RAPGEF6: variants seen among roughly 807,000 people sequenced by gnomAD.
RAPGEF6 encodes the protein PDZ domain containing guanine nucleotide exchange factor (GEF) 2.
Under a neutral mutation model 171.4 loss-of-function variants are expected in RAPGEF6, and 56 were observed. That is an observed-to-expected ratio of 0.33 (90% CI 0.26 to 0.41). The LOEUF (loss-of-function observed/expected upper bound fraction) is 0.41. RAPGEF6 is among the 10% of genes least tolerant of loss of function. The pLI, the probability that RAPGEF6 is intolerant of heterozygous loss-of-function variation, is 1.00. For synonymous variants in RAPGEF6, 692 were observed against 650.1 expected, an observed-to-expected ratio of 1.06 and a Z score of -0.98; for missense variants, 1,674 against 1,921.4, an observed-to-expected ratio of 0.87 and a Z score of 2.41.
At chr5:131,625,021 T>C (rs1403426070) in intron 1 of RAPGEF6, among the ~76,000 whole-genome samples, 1 of 152,064 alleles carries the variant, frequency 6.6e-6, no homozygotes, top group African/African-American at 2.4e-5. Context: ...CCCAGCACTT[T>C]GGGAGGCCGA....
intron 14 of RAPGEF6, among the ~76,000 whole-genome samples, chr5:131,492,318 G>A (rs112578654): frequency 6.6e-6 from 1 of 152,132 alleles, no homozygotes. Flanking sequence ...ATGAAGGATA[G>A]GCAGGCCCAT....
Position 131,576,261 on chromosome 5 carries a change from G to T in RAPGEF6, c.282-14214C>A, listed in dbSNP as rs1762599856. ...GGCCCAATCGTTAGTCATCGGCAAG[G>T]GCAGGCTATGCTGTAGTGTCTTCCA... is the stretch of plus-strand genomic sequence containing the variant. On this transcript the variant is annotated intron_variant, in intron 4 of 27. Transcript: ENST00000509018. Among the ~76,000 whole-genome samples the T allele has an allele frequency of 2.0e-5, 3 of 152,216 alleles. No individual in the cohort carries two copies. The South Asian group carries it at 6.2e-4, about 32-fold the overall frequency.
intron 1 of RAPGEF6, among the ~76,000 whole-genome samples, chr5:131,609,813 TA>T (rs1764834552): frequency 1.3e-5 from 2 of 152,202 alleles, no homozygotes; most frequent in Admixed American, 1.3e-4. Flanking sequence ...GGTTTGGGTT[TA>T]TCTTACTTAC....
intron 2 of RAPGEF6, 118 bp from the exon 3 acceptor site, chr5:131,603,445 G>A (rs1764372956): frequency 1.5e-6 from 1 of 648,676 alleles, no homozygotes; most frequent in African/African-American, 1.9e-5. Context: ...AAATCTACCA[G>A]TATGTTGTCA....
chr5:131,427,111 C>T lies in RAPGEF6; in HGVS notation c.*155G>A, dbSNP rs1342576631. 1 of 732,696 alleles carries T rather than the reference C, an allele frequency of 1.4e-6. No individual in the cohort carries two copies. The highest frequency in any genetic ancestry group is 2.4e-6 in the Non-Finnish European group (1 of 417,054). The allele number at this position is 732,696 out of a possible 1,614,324, so 45.4% of individuals were successfully genotyped here. On this transcript the variant is annotated 3_prime_UTR_variant, in exon 28 of 28. Transcript: ENST00000509018. ...AGAAATTAAATGAAAGGAAGCATAA[C>T]TCAGGTCTATTTCATTGCTCGGAGT...
intron 3 of RAPGEF6, among the ~76,000 whole-genome samples, chr5:131,599,774 A>T (rs932801451): frequency 6.6e-6 from 1 of 152,202 alleles, no homozygotes; most frequent in Non-Finnish European, 1.5e-5. Context: ...CATTTTTGAT[A>T]AATTTTTTTT....
At position 131,521,355 on chromosome 5, in the gene RAPGEF6, C is replaced by T. The variant is rs765773349; in HGVS notation, c.627+35G>A. On this transcript the variant is annotated intron_variant, in intron 7 of 27. Coordinates refer to ENST00000509018, the MANE Select transcript of RAPGEF6 (RefSeq NM_016340.6). ...ACAGAATATCTGGCAAATAAAAAAA[C>T]CATATACGCAGCATACAAATTCCTA... is the stretch of plus-strand genomic sequence containing the variant. 1.4e-5 allele frequency: 21 copies of T among 1,533,408 alleles called. No individual in the cohort carries two copies. In the Admixed American group the frequency reaches 4.4e-4, roughly 32 times the overall value. 95.0% of individuals were successfully genotyped at this position (1,533,408 alleles called of 1,614,324 possible).
intron 19 of RAPGEF6, among the ~76,000 whole-genome samples, chr5:131,459,522 GA>G (rs1227355750): frequency 6.6e-6 from 1 of 151,504 alleles, no homozygotes; most frequent in Non-Finnish European, 1.5e-5. Flanking sequence ...ACTCCAGCAG[GA>G]AAAAAAATAA....
At chr5:131,458,376 G>C (rs1489786371) in intron 19 of RAPGEF6, among the ~76,000 whole-genome samples, 1 of 152,028 alleles carries the variant, frequency 6.6e-6, no homozygotes, top group African/African-American at 2.4e-5. Context: ...TTTGCCCTTC[G>C]CCTTCCACTA....
chr5:131,619,045 GAA>G (rs746705784), intron 1 of RAPGEF6, among the ~76,000 whole-genome samples: 2 of 117,800 alleles, frequency 1.7e-5, no homozygotes, highest in African/African-American at 6.3e-5. Flanking sequence ...TTCATGAAAG[GAA>G]AAAAAAAAAA....
At chr5:131,628,746 T>C (rs1016224429) in intron 1 of RAPGEF6, among the ~76,000 whole-genome samples, 1 of 152,146 alleles carries the variant, frequency 6.6e-6, no homozygotes, top group South Asian at 2.1e-4. Context: ...CCAATGATCA[T>C]TTACCATTCT....
At chr5:131,570,041 C>CA (rs34729268) in intron 4 of RAPGEF6, among the ~76,000 whole-genome samples, 20,548 of 27,466 alleles carry the variant, frequency 0.75, 9,508 homozygotes, top group Non-Finnish European at 0.86. Context: ...GACTCTGTCT[C>CA]AAAAAAAAAA....
intron 15 of RAPGEF6, among the ~76,000 whole-genome samples, chr5:131,488,913 A>T (rs974503741): frequency 2.6e-5 from 4 of 152,226 alleles, no homozygotes; most frequent in African/African-American, 9.6e-5. Context: ...ATCAAATCAC[A>T]TTAAATCTTT....
chr5:131,613,567 C>G (rs1303560900), intron 1 of RAPGEF6, among the ~76,000 whole-genome samples: 1 of 152,046 alleles, frequency 6.6e-6, no homozygotes, highest in Non-Finnish European at 1.5e-5. Context: ...AACTATTTAG[C>G]TCTGCTTTTA....
At position 131,548,115 on chromosome 5, in the gene RAPGEF6, G is replaced by T. The variant is rs780226862; in HGVS notation, c.427C>A (p.Arg143=). Residue 143 remains arginine (R), a synonymous_variant, in exon 6 of 28, where the codon CGG becomes AGG. Coordinates refer to ENST00000509018, the MANE Select transcript of RAPGEF6 (RefSeq NM_016340.6). ...IPARQSRRRF[R]KINYKGERQT... Reference sequence around the variant, plus strand: ...CGCTCTCCTTTATAGTTAATTTTCCGAAATCTTCTTCGGGATTGTCTGGCA... The same window carrying T: ...CGCTCTCCTTTATAGTTAATTTTCCTAAATCTTCTTCGGGATTGTCTGGCA... 1.2e-6 allele frequency: 2 copies of T among 1,613,896 alleles called. No homozygotes were observed. Among genetic ancestry groups the T allele is most frequent in the Admixed American group, 3.3e-5 (2 of 59,994 alleles).
intron 9 of RAPGEF6, 114 bp downstream of exon 9, chr5:131,507,957 A>G: frequency 1.0e-6 from 1 of 972,968 alleles, no homozygotes; most frequent in African/African-American, 1.7e-5. Flanking sequence ...TATTTAAGAA[A>G]TCTGTATAAA....
chr5:131,504,798 G>C lies in RAPGEF6; in HGVS notation c.1102-20C>G, dbSNP rs913715030. ...GACAAACTGTCCAAGAACAACATGG[G>C]GACAGTTAATGAACCTATAGTACAT... On this transcript the variant is annotated intron_variant, in intron 10 of 27. Coordinates refer to ENST00000509018, the MANE Select transcript of RAPGEF6 (RefSeq NM_016340.6). 5.0e-6 allele frequency: 8 copies of C among 1,601,440 alleles called. No homozygotes were observed. The highest frequency in any genetic ancestry group is 6.8e-6 in the Non-Finnish European group (8 of 1,174,106).
intron 15 of RAPGEF6, among the ~76,000 whole-genome samples, chr5:131,483,455 G>A (rs923998040): frequency 2.0e-5 from 3 of 151,524 alleles, no homozygotes; most frequent in Non-Finnish European, 4.4e-5. Context: ...AAATGATTGC[G>A]TTAAATTAAA....
chr5:131,579,278 G>A (rs1762787578), intron 4 of RAPGEF6, among the ~76,000 whole-genome samples: 1 of 152,174 alleles, frequency 6.6e-6, no homozygotes, highest in African/African-American at 2.4e-5. Context: ...AAGGCAGTAT[G>A]GACCCAAAGA....
Sources: gnomAD v4.1 joint callset for allele counts (sites outside exome capture counted in the v4.1 genomes callset) on GRCh38, gnomAD v4.1.1 for gene constraint, MANE v1.5 for transcripts, NCBI Gene and HGNC (gene_info 2026-07-23, HGNC 2026-07-21) for gene names.